ERI1: variants seen among roughly 807,000 people sequenced by gnomAD.
ERI1 encodes the protein 3'-5' exoribonuclease 1.
Under a neutral mutation model 39.7 loss-of-function variants are expected in ERI1, and 39 were observed. The ratio of observed to expected loss-of-function variants is 0.98; its 90% CI spans 0.76 to 1.28. The LOEUF is 1.28. ERI1 is among the 50% of genes most tolerant of loss of function. The probability of loss-of-function intolerance (pLI) is 0.00; values close to 1 mark genes in which losing one functional copy is unlikely to be tolerated. For synonymous variants in ERI1, 204 were observed against 149.6 expected, an observed-to-expected ratio of 1.36 and a Z score of -2.65; for missense variants, 581 against 416.9, an observed-to-expected ratio of 1.39 and a Z score of -3.43.
At position 9,019,512 on chromosome 8, in the gene ERI1, A is replaced by T. The variant is rs528907688; in HGVS notation, c.693-838A>T. Among the ~76,000 whole-genome samples the T allele has an allele frequency of 3.0e-4, 46 of 152,270 alleles. No individual in the cohort carries two copies. The South Asian group carries it at 6.8e-3, about 23-fold the overall frequency. The stretch of plus-strand genomic sequence containing the variant: ...TTCTGGTAAAGTCTCATTTTGTGGG[A>T]CAGATCACTCAAAACCTATGCAATT... On this transcript the variant is annotated intron_variant, in intron 5 of 6. Transcript: ENST00000250263.
intron 3 of ERI1, among the ~76,000 whole-genome samples, chr8:9,081,346 A>G (rs1248348556): frequency 6.6e-6 from 1 of 152,242 alleles, no homozygotes; most frequent in Non-Finnish European, 1.5e-5. Flanking sequence ...GGCATTTTAG[A>G]TGAAACAAGA....
chr8:9,020,364 G>C lies in ERI1; in HGVS notation c.707G>C (p.Ser236Thr). 6.3e-7 allele frequency: 1 copy of C among 1,582,092 alleles called. No individual in the cohort carries two copies. The highest frequency in any genetic ancestry group is 1.2e-5 in the South Asian group (1 of 83,714). ...TTAATTTATAGTTCTTGGGATATGA[G>C]TAAGTTCTTGAACATTCAGTGTCAA... ...SLLTDGSWDMSKFLNIQCQLS... is the reference protein window; with the variant it reads ...SLLTDGSWDMTKFLNIQCQLS... Residue 236 changes from serine (S) to threonine (T), a missense_variant, in exon 6 of 7, where the codon AGT becomes ACT. Coordinates refer to ENST00000250263, the MANE Select transcript of ERI1 (RefSeq NM_153332.4).
At chr8:9,095,536 C>T (rs1023070465) in intron 3 of ERI1, among the ~76,000 whole-genome samples, 2 of 151,824 alleles carry the variant, frequency 1.3e-5, no homozygotes, top group East Asian at 1.9e-4. Context: ...GATGGGGTCT[C>T]ACTCTGAAAC....
intron 2 of ERI1, among the ~76,000 whole-genome samples, chr8:9,010,635 AT>A (rs960376879): frequency 1.3e-5 from 2 of 151,770 alleles, no homozygotes; most frequent in African/African-American, 4.9e-5. Flanking sequence ...ATTAATTATA[AT>A]TTAGATCTTT....
chr8:9,011,842 C>T lies in ERI1; in HGVS notation c.498+90C>T, dbSNP rs1055448255. Reference sequence around the variant, plus strand: ...GTGGAGGACCTCATTTGCTTTTTAGCCAGAATTAGACTTCTAAAGTAAGTT... The same window carrying T: ...GTGGAGGACCTCATTTGCTTTTTAGTCAGAATTAGACTTCTAAAGTAAGTT... On this transcript the variant is annotated intron_variant, in intron 3 of 6. Transcript: ENST00000250263. The T allele has an allele frequency of 8.7e-6, 8 of 924,672 alleles. No individual in the cohort carries two copies. The Admixed American group carries it at 1.8e-4, about 21-fold the overall frequency. 57.3% of individuals were successfully genotyped at this position (924,672 alleles called of 1,614,324 possible). A position where few individuals can be genotyped will look rare whatever the true frequency, so the allele number is the denominator to read the frequency against.
chr8:9,005,667 C>T (rs1815928814), intron 1 of ERI1, among the ~76,000 whole-genome samples: 1 of 152,058 alleles, frequency 6.6e-6, no homozygotes, highest in Admixed American at 6.5e-5. Flanking sequence ...GGCGCCCGCC[C>T]GGCTAATTTT....
intron 3 of ERI1, among the ~76,000 whole-genome samples, chr8:9,095,805 C>A (rs372067249): frequency 6.6e-6 from 1 of 152,082 alleles, no homozygotes. Flanking sequence ...ACACTGCGCT[C>A]GGCCAGGACA....
At chr8:9,034,484 A>G (rs1454842819), downstream of ERI1, among the ~76,000 whole-genome samples, 1 of 152,052 alleles carries the variant, frequency 6.6e-6, no homozygotes, top group African/African-American at 2.4e-5. Context: ...TATATTTCAA[A>G]CTTTTTGATT....
intron 1 of ERI1, among the ~76,000 whole-genome samples, chr8:9,003,701 T>C (rs1288756168): frequency 6.6e-6 from 1 of 152,238 alleles, no homozygotes; most frequent in Non-Finnish European, 1.5e-5. Context: ...ATGAATCATT[T>C]TGACATCTCA....
intron 6 of ERI1, among the ~76,000 whole-genome samples, chr8:9,028,536 GT>G (rs1266743997): frequency 6.6e-6 from 1 of 152,204 alleles, no homozygotes; most frequent in Non-Finnish European, 1.5e-5. Context: ...AGAAGCTGAG[GT>G]CCAAGATGCA....
At position 9,088,913 on chromosome 8, in the gene ERI1, C is replaced by CT. The variant is rs200335463; in HGVS notation, n.300-27434dup. Among the ~76,000 whole-genome samples, 207 of 152,336 alleles carry CT rather than the reference C, an allele frequency of 1.4e-3. 2 individuals carry two copies. In the East Asian group the frequency reaches 0.036, roughly 26 times the overall value. ...TCATGCGGGTGAGTTAATAGGTTCA[C>CT]TACGTGCTCCTCCTACCCTGGAGAG... is the stretch of plus-strand genomic sequence containing the variant. On this transcript the variant is annotated intron_variant and non_coding_transcript_variant, in intron 3 of 3. Transcript: ENST00000518663.
intron 3 of ERI1, among the ~76,000 whole-genome samples, chr8:9,073,485 A>G (rs899554896): frequency 6.6e-6 from 1 of 152,220 alleles, no homozygotes. Flanking sequence ...TCAGTGAAGT[A>G]AGATTTTCAT....
chr8:9,026,678 A>C (rs1259954456), intron 6 of ERI1, among the ~76,000 whole-genome samples: 1 of 152,206 alleles, frequency 6.6e-6, no homozygotes, highest in Non-Finnish European at 1.5e-5. Context: ...GGGCACTGAC[A>C]TTGTACTCAA....
Position 9,002,997 on chromosome 8 carries a change from G to A in ERI1, c.-67G>A. The A allele has an allele frequency of 9.3e-7, 1 of 1,072,706 alleles. No homozygotes were observed. Among genetic ancestry groups the A allele is most frequent in the Non-Finnish European group, 1.2e-6 (1 of 833,940 alleles). The allele number at this position is 1,072,706 out of a possible 1,614,324, so 66.4% of individuals were successfully genotyped here. A position where few individuals can be genotyped will look rare whatever the true frequency, so the allele number is the denominator to read the frequency against. On this transcript the variant is annotated 5_prime_UTR_variant, in exon 1 of 7. Coordinates refer to ENST00000250263, the MANE Select transcript of ERI1 (RefSeq NM_153332.4). ...TTCAACGGAGAAAGGCGAGGCTTTCGGGCTCTGCAGAGTGAGAGTTAGCAA... is the reference window on the plus strand; with the variant it reads ...TTCAACGGAGAAAGGCGAGGCTTTCAGGCTCTGCAGAGTGAGAGTTAGCAA...
chr8:9,014,840 T>C (rs996290469), intron 3 of ERI1, among the ~76,000 whole-genome samples: 3 of 152,058 alleles, frequency 2.0e-5, no homozygotes, highest in African/African-American at 7.2e-5. Context: ...TTGTTTTGTT[T>C]TGTTTTGTTT....
At chr8:9,038,896 T>A (rs1317238590) in intron 3 of ERI1, among the ~76,000 whole-genome samples, 1 of 152,230 alleles carries the variant, frequency 6.6e-6, no homozygotes, top group African/African-American at 2.4e-5. Context: ...CCAGCATCAA[T>A]TCTATAGCTT....
Position 9,082,341 on chromosome 8 carries a change from A to G in ERI1, n.300-34007A>G, listed in dbSNP as rs537977786. On this transcript the variant is annotated intron_variant and non_coding_transcript_variant, in intron 3 of 3. Transcript: ENST00000518663. ...TTCCTCTGGCTCACGTCCAGTAGACATGCTAATGAGTTGCCAAGTCACCAG... is the reference window on the plus strand; with the variant it reads ...TTCCTCTGGCTCACGTCCAGTAGACGTGCTAATGAGTTGCCAAGTCACCAG... Among the ~76,000 whole-genome samples, 4 of 152,346 alleles carry G rather than the reference A, an allele frequency of 2.6e-5. No homozygotes were observed. In the East Asian group the frequency reaches 5.8e-4, roughly 22 times the overall value.
intron 3 of ERI1, among the ~76,000 whole-genome samples, chr8:9,087,436 G>GTT (rs71201908): frequency 8.3e-5 from 9 of 108,810 alleles, no homozygotes; most frequent in South Asian, 2.9e-4. Context: ...TTTTTTTTTT[G>GTT]ATTTTTAGTA....
intron 6 of ERI1, among the ~76,000 whole-genome samples, chr8:9,020,755 A>AT (rs2117251286): frequency 1.3e-5 from 2 of 152,252 alleles, no homozygotes; most frequent in East Asian, 3.9e-4. Context: ...CTAGATTTTA[A>AT]TTTTACTTCA....
Sources: gnomAD v4.1 joint callset for allele counts (sites outside exome capture counted in the v4.1 genomes callset) on GRCh38, gnomAD v4.1.1 for gene constraint, MANE v1.5 for transcripts, NCBI Gene and HGNC (gene_info 2026-07-23, HGNC 2026-07-21) for gene names.